The following VNN1 variants were observed in gnomAD, a reference collection of about 807,000 sequenced individuals.
The protein encoded by VNN1 is pantetheinase.
In VNN1, 29 loss-of-function variants were observed where a neutral mutation model predicts 41.9. The observed-to-expected ratio is 0.69, with a 90% confidence interval of 0.52 to 0.94. The LOEUF is 0.94. Among genes scored for constraint, VNN1 ranks in the 40% least tolerant of loss-of-function variants. The pLI is 0.00. For synonymous variants in VNN1, 233 were observed against 224.4 expected (o/e 1.04, Z -0.34); for missense variants, 637 against 621.1 (o/e 1.03, Z -0.27).
chr6:132,691,622 AT>A (rs1778285096), intron 5 of VNN1, among the ~76,000 whole-genome samples: 1 of 152,176 alleles, frequency 6.6e-6, no homozygotes, highest in African/African-American at 2.4e-5. Flanking sequence ...TTGAATATTT[AT>A]TTTTAATACT....
Position 132,692,488 on chromosome 6 carries a change from G to A in VNN1, c.923C>T (p.Pro308Leu), listed in dbSNP as rs761086969. 3 of 1,613,820 alleles carry A rather than the reference G, an allele frequency of 1.9e-6. No homozygotes were observed. The highest frequency in any genetic ancestry group is 1.7e-6 in the Non-Finnish European group (2 of 1,180,012). ...CCAGTTCACCACTGCAGAATGGGAT[G>A]GGTGGGAATCCAGTTGCGAGAGGAG... Reference protein sequence around the residue: ...KLLLSQLDSHPSHSAVVNWTS... With the variant: ...KLLLSQLDSHLSHSAVVNWTS... The change falls in exon 5 of 7, where the codon CCA becomes CTA. Residue 308 changes from proline to leucine, a missense_variant. Physicochemically the swap from Pro to Leu is moderately conservative, Grantham distance 98. Transcript: ENST00000367928.
chr6:132,697,013 C>G (rs4897603), intron 2 of VNN1, among the ~76,000 whole-genome samples: 65,770 of 151,814 alleles, frequency 0.43, 15,382 homozygotes, highest in African/African-American at 0.6. Flanking sequence ...GCTGAGGCAG[C>G]AGAATGGCGT....
At chr6:132,697,766 T>C (rs1416925655) in intron 2 of VNN1, among the ~76,000 whole-genome samples, 1 of 151,980 alleles carries the variant, frequency 6.6e-6, no homozygotes, top group African/African-American at 2.4e-5. Context: ...TAATAATACA[T>C]ATAGAAAATT....
intron 2 of VNN1, among the ~76,000 whole-genome samples, chr6:132,697,968 T>G (rs1418349997): frequency 6.6e-6 from 1 of 152,250 alleles, no homozygotes. Context: ...TCTGAAACAG[T>G]TCTGATGACA....
chr6:132,708,800 T>C (rs1778554135), intron 2 of VNN1, among the ~76,000 whole-genome samples: 1 of 152,196 alleles, frequency 6.6e-6, no homozygotes, highest in African/African-American at 2.4e-5. Context: ...TTTGGTGACC[T>C]ATACCCTGGA....
intron 2 of VNN1, among the ~76,000 whole-genome samples, chr6:132,710,737 A>G (rs1446304797): frequency 3.3e-5 from 5 of 152,130 alleles, no homozygotes; most frequent in Non-Finnish European, 5.9e-5. Flanking sequence ...GTTCTGTGGT[A>G]TATATGTGCC....
intron 4 of VNN1, 143 bp from the exon 5 acceptor site, chr6:132,692,727 A>G: frequency 1.6e-6 from 2 of 1,229,310 alleles, no homozygotes; most frequent in Non-Finnish European, 2.1e-6. Context: ...ACATGCTGAT[A>G]AAGACAGAGA....
intron 5 of VNN1, among the ~76,000 whole-genome samples, chr6:132,691,554 T>G (rs1235358633): frequency 6.6e-6 from 1 of 152,172 alleles, no homozygotes; most frequent in African/African-American, 2.4e-5. Flanking sequence ...TGGCTTAATT[T>G]GTTCAGGCAG....
intron 5 of VNN1, among the ~76,000 whole-genome samples, chr6:132,691,483 A>G (rs1044810481): frequency 6.6e-6 from 1 of 152,160 alleles, no homozygotes; most frequent in Non-Finnish European, 1.5e-5. Flanking sequence ...CATATCCAGG[A>G]TATACTTAGT....
chr6:132,712,076 A>T (rs1038867753), intron 1 of VNN1, among the ~76,000 whole-genome samples: 2 of 150,872 alleles, frequency 1.3e-5, no homozygotes, highest in African/African-American at 4.9e-5. Flanking sequence ...TTCAAAGGGT[A>T]CAAATGCAGG....
chr6:132,709,318 C>A (rs1371557588), intron 2 of VNN1, among the ~76,000 whole-genome samples: 1 of 152,154 alleles, frequency 6.6e-6, no homozygotes, highest in Non-Finnish European at 1.5e-5. Flanking sequence ...GTTTTGTTCA[C>A]TTCATTGCCC....
intron 2 of VNN1, among the ~76,000 whole-genome samples, chr6:132,698,139 A>C (rs569703262): frequency 6.6e-6 from 1 of 152,348 alleles, no homozygotes; most frequent in South Asian, 2.1e-4. Context: ...TGGTGCCTGA[A>C]ATCTGCCTGT....
intron 1 of VNN1, among the ~76,000 whole-genome samples, chr6:132,713,548 G>A (rs977031927): frequency 6.6e-6 from 1 of 152,160 alleles, no homozygotes; most frequent in Non-Finnish European, 1.5e-5. Flanking sequence ...CCAGAAAAGG[G>A]GAACAAAGAT....
intron 6 of VNN1, among the ~76,000 whole-genome samples, chr6:132,683,641 A>G (rs958165445): frequency 2.0e-5 from 3 of 151,954 alleles, no homozygotes; most frequent in African/African-American, 7.3e-5. Context: ...CAAGATAAAG[A>G]CTCCCCACAA....
intron 6 of VNN1, 149 bp downstream of exon 6, chr6:132,684,186 C>A (rs1189052289): frequency 1.4e-6 from 1 of 705,638 alleles, no homozygotes; most frequent in Non-Finnish European, 2.2e-6. Context: ...AGAAATGCAG[C>A]CTGCTCAATG....
chr6:132,688,056 C>T (rs1188523291), intron 5 of VNN1, among the ~76,000 whole-genome samples: 2 of 151,804 alleles, frequency 1.3e-5, no homozygotes, highest in East Asian at 1.9e-4. Flanking sequence ...TGGTGATAAT[C>T]GAGATTTTTC....
chr6:132,692,790 T>G (rs1013938429), intron 4 of VNN1, among the ~76,000 whole-genome samples: 3 of 151,886 alleles, frequency 2.0e-5, no homozygotes, highest in Non-Finnish European at 4.4e-5. Context: ...AAGGGAGAGT[T>G]GTATGTAAGA....
chr6:132,702,547 G>A (rs1204562431), intron 2 of VNN1, among the ~76,000 whole-genome samples: 1 of 152,154 alleles, frequency 6.6e-6, no homozygotes, highest in Non-Finnish European at 1.5e-5. Context: ...AGTAGTCAAA[G>A]GAGTGGTTGC....
chr6:132,711,801 A>G lies in VNN1; in HGVS notation c.249T>C (p.Tyr83=). ...GAGAGTCCCTGTTGAAGTTCCAGCC[A>G]TAAATAGCATCTTCTGGAGTCACAA... ...HIIVTPEDAI[Y]GWNFNRDSLY... is the part of the protein sequence containing the mutation. The change falls in exon 2 of 7, where the codon TAT becomes TAC. Residue 83 remains tyrosine (Y), a synonymous_variant. Coordinates refer to ENST00000367928, the MANE Select transcript of VNN1 (RefSeq NM_004666.3). 6.2e-7 allele frequency: 1 copy of G among 1,614,098 alleles called. No homozygotes were observed. The highest frequency in any genetic ancestry group is 8.5e-7 in the Non-Finnish European group (1 of 1,179,974).
Sources: allele counts gnomAD v4.1 joint callset (sites outside exome capture counted in the v4.1 genomes callset), GRCh38; gene constraint gnomAD v4.1.1; transcripts MANE v1.5; gene names NCBI Gene and HGNC (gene_info 2026-07-23, HGNC 2026-07-21).